SH3D19: variants seen among roughly 807,000 people sequenced by gnomAD.
The protein encoded by SH3D19 is SH3 domain-containing protein 19.
A neutral mutation model predicts 112.1 loss-of-function variants in SH3D19; 58 were observed. That is an observed-to-expected ratio of 0.52 (90% CI 0.42 to 0.64). The LOEUF (loss-of-function observed/expected upper bound fraction) is 0.64, where lower values mean the gene tolerates loss of function less well. SH3D19 is among the 30% of genes least tolerant of loss of function. SH3D19 has a pLI of 0.00. For missense variants in SH3D19, 1,090 were observed against 1,263.4 expected (o/e 0.86, Z 2.08); for synonymous variants, 391 against 448.5 (o/e 0.87, Z 1.62).
At chr4:151,152,384 C>T (rs76659656) in intron 9 of SH3D19, among the ~76,000 whole-genome samples, 8,870 of 152,186 alleles carry the variant, frequency 0.058, 396 homozygotes, top group East Asian at 0.19. Context: ...TTTGGACAAG[C>T]ATTTTAGTTT....
intron 1 of SH3D19, chr4:151,259,761 C>T (rs191044984): frequency 3.3e-5 from 5 of 152,346 alleles, no homozygotes; most frequent in Admixed American, 3.3e-4. Flanking sequence ...TTAATGGGTT[C>T]AAATACTTCC....
intron 7 of SH3D19, chr4:151,165,990 C>A: frequency 4.1e-6 from 1 of 242,410 alleles, no homozygotes; most frequent in South Asian, 6.3e-5. Flanking sequence ...TCATACGTGT[C>A]TGCCTGAAAA....
chr4:151,214,311 C>T (rs1192911818), intron 2 of SH3D19, among the ~76,000 whole-genome samples: 1 of 150,520 alleles, frequency 6.6e-6, no homozygotes, highest in Non-Finnish European at 1.5e-5. Context: ...TCAATCTTTT[C>T]CCCACCTTTC....
At chr4:151,231,851 G>A (rs535092662) in intron 1 of SH3D19, among the ~76,000 whole-genome samples, 3 of 152,258 alleles carry the variant, frequency 2.0e-5, no homozygotes, top group African/African-American at 7.2e-5. Context: ...ACCCAGGAAG[G>A]GAAGAATTGG....
At chr4:151,128,739 C>T (rs1447093072) in intron 17 of SH3D19, among the ~76,000 whole-genome samples, 1 of 152,166 alleles carries the variant, frequency 6.6e-6, no homozygotes, top group Admixed American at 6.6e-5. Context: ...TTCCTGGGCT[C>T]AGGCAATCCT....
intron 2 of SH3D19, among the ~76,000 whole-genome samples, chr4:151,199,156 TA>T (rs1380795218): frequency 6.6e-6 from 1 of 152,018 alleles, no homozygotes; most frequent in Admixed American, 6.6e-5. Flanking sequence ...AAAGATACAG[TA>T]AATTTCTAGA....
intron 1 of SH3D19, among the ~76,000 whole-genome samples, chr4:151,310,594 T>A (rs1209081871): frequency 1.3e-5 from 2 of 151,468 alleles, no homozygotes; most frequent in African/African-American, 4.9e-5. Context: ...TTTTTTTTTT[T>A]AGACTCTTGC....
intron 16 of SH3D19, among the ~76,000 whole-genome samples, 161 bp downstream of exon 16, chr4:151,132,872 CA>C (rs1463661860): frequency 6.6e-6 from 1 of 152,166 alleles, no homozygotes; most frequent in Non-Finnish European, 1.5e-5. Flanking sequence ...GAGAGATGCC[CA>C]CAAATAATGT....
At chr4:151,258,256 G>GCA (rs1772095498) in intron 1 of SH3D19, among the ~76,000 whole-genome samples, 1 of 152,138 alleles carries the variant, frequency 6.6e-6, no homozygotes, top group Non-Finnish European at 1.5e-5. Context: ...AATGATTGAG[G>GCA]CACAAAGGGA....
chr4:151,288,180 T>C (rs55869644), intron 1 of SH3D19, among the ~76,000 whole-genome samples: 54,338 of 151,868 alleles, frequency 0.36, 10,799 homozygotes, highest in Non-Finnish European at 0.46. Flanking sequence ...TACTTCGTGG[T>C]AAAATACTAT....
intron 1 of SH3D19, among the ~76,000 whole-genome samples, chr4:151,295,030 G>A (rs188559059): frequency 5.9e-5 from 9 of 152,256 alleles, no homozygotes; most frequent in East Asian, 3.9e-4. Context: ...AGAACAGGCC[G>A]GTCAATGTGG....
At chr4:151,261,380 C>T (rs972456304) in intron 1 of SH3D19, 1 of 152,236 alleles carries the variant, frequency 6.6e-6, no homozygotes, top group Non-Finnish European at 1.5e-5. Flanking sequence ...ACCCTGATTT[C>T]CAAGCAAACA....
intron 2 of SH3D19, among the ~76,000 whole-genome samples, chr4:151,208,823 G>A (rs1434986803): frequency 6.6e-6 from 1 of 151,822 alleles, no homozygotes; most frequent in Non-Finnish European, 1.5e-5. Context: ...GACTACAGGC[G>A]CCCACCACCA....
rs138353284 is a variant in SH3D19 at position 151,271,727 on chromosome 4, G to T, written c.113-45641C>A. 2.8e-3 allele frequency among the ~76,000 whole-genome samples: 433 copies of T among 152,208 alleles called. 5 individuals are homozygous for T. Among genetic ancestry groups the T allele is most frequent in the Admixed American group, 0.025 (388 of 15,282 alleles). The stretch of plus-strand genomic sequence containing the variant: ...GGTAGAATTAAATACTTAAAGCTGA[G>T]AAATGAGTTCAATAACAACAATAAT... On this transcript the variant is annotated intron_variant, in intron 1 of 19. Coordinates refer to ENST00000604030, the MANE Select transcript of SH3D19 (RefSeq NM_001378122.1).
At chr4:151,151,787 T>C (rs1223213091) in intron 9 of SH3D19, among the ~76,000 whole-genome samples, 4 of 152,208 alleles carry the variant, frequency 2.6e-5, no homozygotes, top group South Asian at 4.1e-4. Flanking sequence ...AAAAATGCAT[T>C]TATTTCTTTG....
chr4:151,179,146 C>T (rs958365020), intron 4 of SH3D19, among the ~76,000 whole-genome samples: 2 of 152,180 alleles, frequency 1.3e-5, no homozygotes, highest in Non-Finnish European at 2.9e-5. Context: ...AATAACTATA[C>T]TCAAAAGAAC....
chr4:151,290,009 CAG>C (rs1775169299), intron 1 of SH3D19, among the ~76,000 whole-genome samples: 1 of 152,172 alleles, frequency 6.6e-6, no homozygotes. Context: ...GGTTGAAGTG[CAG>C]TGGTAGGATC....
chr4:151,236,363 T>C (rs7666751), intron 1 of SH3D19, among the ~76,000 whole-genome samples: 125,403 of 152,328 alleles, frequency 0.82, 53,645 homozygotes, highest in Non-Finnish European at 0.95. Context: ...GATTGGGGGA[T>C]GAGCTCCCTC....
chr4:151,258,397 A>T (rs1463191251), intron 1 of SH3D19, among the ~76,000 whole-genome samples: 1 of 152,188 alleles, frequency 6.6e-6, no homozygotes. Flanking sequence ...TGAGATCCCA[A>T]ATCAGGGATC....
Sources: allele counts gnomAD v4.1 joint callset (sites outside exome capture counted in the v4.1 genomes callset), GRCh38; gene constraint gnomAD v4.1.1; transcripts MANE v1.5; gene names NCBI Gene and HGNC (gene_info 2026-07-23, HGNC 2026-07-21).